VRK2: variants seen among roughly 807,000 people sequenced by gnomAD.
VRK2 encodes the protein serine/threonine-protein kinase VRK2.
In VRK2, 60 loss-of-function variants were observed where a neutral mutation model predicts 57.6. The ratio of observed to expected loss-of-function variants is 1.04; its 90% CI spans 0.85 to 1.29. The LOEUF (loss-of-function observed/expected upper bound fraction) is 1.29, where lower values mean the gene tolerates loss of function less well. VRK2 is among the 50% of genes most tolerant of loss of function. The probability of loss-of-function intolerance (pLI) is 0.00; values close to 1 mark genes in which losing one functional copy is unlikely to be tolerated. For synonymous variants in VRK2, 231 were observed against 199.2 expected, an observed-to-expected ratio of 1.16 and a Z score of -1.35; for missense variants, 705 against 588.1, an observed-to-expected ratio of 1.20 and a Z score of -2.06.
chr2:57,954,313 C>G (rs999386521), intron 1 of VRK2, among the ~76,000 whole-genome samples: 1 of 152,024 alleles, frequency 6.6e-6, no homozygotes, highest in Admixed American at 6.6e-5. Flanking sequence ...AAACTGAGTT[C>G]TATACAGTGG....
chr2:57,978,723 T>C (rs1279303749), intron 1 of VRK2, among the ~76,000 whole-genome samples: 3 of 150,174 alleles, frequency 2.0e-5, no homozygotes, highest in Non-Finnish European at 2.9e-5. Context: ...TTTCAGCACA[T>C]GCAGGTTTGT....
intron 2 of VRK2, among the ~76,000 whole-genome samples, chr2:58,077,657 T>G (rs1386056224): frequency 6.6e-6 from 1 of 152,104 alleles, no homozygotes; most frequent in African/African-American, 2.4e-5. Flanking sequence ...TCTGGGAGAC[T>G]TCTCACTTCA....
intron 10 of VRK2, among the ~76,000 whole-genome samples, chr2:58,137,411 T>TA (rs1357206029): frequency 6.6e-6 from 1 of 151,680 alleles, no homozygotes; most frequent in African/African-American, 2.4e-5. Context: ...ACTCTATTGT[T>TA]AAAGATTTGA....
rs771654902 is a variant in VRK2 at position 58,159,808 on chromosome 2, A to AAGAGAACATAT, written c.*116_*126dup. The stretch of plus-strand genomic sequence containing the variant: ...CATTTTTAAGGTAATTGGCTTTAAA[A>AAGAGAACATAT]AGAGAACATATTTTAACAAAGTTTG... On this transcript the variant is annotated 3_prime_UTR_variant, in exon 13 of 13. Transcript: ENST00000340157. The AAGAGAACATAT allele has an allele frequency of 6.2e-7, 1 of 1,612,578 alleles. No homozygotes were observed. Among genetic ancestry groups the AAGAGAACATAT allele is most frequent in the East Asian group, 2.2e-5 (1 of 44,808 alleles).
At chr2:58,115,390 C>G (rs1009757210) in intron 7 of VRK2, among the ~76,000 whole-genome samples, 1 of 151,996 alleles carries the variant, frequency 6.6e-6, no homozygotes, top group Non-Finnish European at 1.5e-5. Flanking sequence ...AAAGTATATG[C>G]GTCAGGTATG....
intron 1 of VRK2, among the ~76,000 whole-genome samples, chr2:57,990,003 T>C (rs1672713001): frequency 6.6e-6 from 1 of 152,180 alleles, no homozygotes; most frequent in South Asian, 2.1e-4. Context: ...ATGTGAAATG[T>C]TCACAAAAAG....
At chr2:58,127,544 T>C (rs1256216296) in intron 8 of VRK2, among the ~76,000 whole-genome samples, 3 of 152,156 alleles carry the variant, frequency 2.0e-5, no homozygotes, top group African/African-American at 7.2e-5. Flanking sequence ...CAGTAAGTCA[T>C]GGTCACCATA....
chr2:58,043,871 T>C (rs1674566143), upstream of VRK2, among the ~76,000 whole-genome samples: 1 of 152,260 alleles, frequency 6.6e-6, no homozygotes, highest in South Asian at 2.1e-4. Flanking sequence ...TTCCAAATCC[T>C]TGGTAACTTA....
intron 1 of VRK2, among the ~76,000 whole-genome samples, chr2:57,997,140 A>C (rs1672949961): frequency 6.6e-6 from 1 of 152,162 alleles, no homozygotes; most frequent in African/African-American, 2.4e-5. Flanking sequence ...GAAAGAAAAA[A>C]TAGATAATCG....
At chr2:58,046,976 G>A (rs1410920689) in intron 1 of VRK2, 108 bp downstream of exon 1, 3 of 985,364 alleles carry the variant, frequency 3.0e-6, no homozygotes, top group Non-Finnish European at 3.6e-6. Flanking sequence ...AGATGCCGGG[G>A]ACTCCGGGCC....
Position 58,146,427 on chromosome 2 carries a change from C to G in VRK2, c.1135C>G (p.Gln379Glu), listed in dbSNP as rs1240251657. 2 of 1,611,352 alleles carry G rather than the reference C, an allele frequency of 1.2e-6. No homozygotes were observed. Among genetic ancestry groups the G allele is most frequent in the Non-Finnish European group, 1.7e-6 (2 of 1,178,264 alleles). The stretch of plus-strand genomic sequence containing the variant: ...TGAGTCCTGTGCAACATGGAAAGTG[C>G]AGAAAGAGGAGAAACTGATTGGATT... ...SAESCATWKV[Q>E]KEEKLIGLMN... The change falls in exon 12 of 13, where the codon CAG (glutamine) becomes GAG (glutamate). Residue 379 changes from glutamine to glutamate, a missense_variant. Physicochemically the swap from Gln to Glu is conservative, Grantham distance 29 (BLOSUM62 2). Coordinates refer to ENST00000340157, the MANE Select transcript of VRK2 (RefSeq NM_006296.7).
chr2:58,085,930 CTTT>C (rs59333442), intron 4 of VRK2, among the ~76,000 whole-genome samples: 2 of 116,862 alleles, frequency 1.7e-5, no homozygotes, highest in Non-Finnish European at 1.9e-5. Flanking sequence ...CTTTTTTTTT[CTTT>C]TTTTTTTTTT....
intron 7 of VRK2, among the ~76,000 whole-genome samples, chr2:58,107,611 T>A (rs1456630649): frequency 6.6e-6 from 1 of 152,160 alleles, no homozygotes; most frequent in Non-Finnish European, 1.5e-5. Flanking sequence ...AATTATAAGG[T>A]GGTATATTGT....
upstream of VRK2, among the ~76,000 whole-genome samples, chr2:58,043,433 C>T (rs1015550208): frequency 2.0e-5 from 3 of 152,098 alleles, no homozygotes; most frequent in Non-Finnish European, 4.4e-5. Flanking sequence ...TTAACATTTG[C>T]AACGTTTCAG....
intron 1 of VRK2, among the ~76,000 whole-genome samples, chr2:57,996,631 A>C (rs1286091031): frequency 6.6e-6 from 1 of 152,244 alleles, no homozygotes; most frequent in Admixed American, 6.5e-5. Flanking sequence ...AATTTCAGTC[A>C]AAATTAGAAC....
rs191851198 is a variant in VRK2 at position 57,989,941 on chromosome 2, A to C, written c.-438-35724A>C. Among the ~76,000 whole-genome samples the C allele has an allele frequency of 1.5e-4, 23 of 152,342 alleles. No individual in the cohort carries two copies. The East Asian group carries it at 4.0e-3, about 27-fold the overall frequency. On this transcript the variant is annotated intron_variant, in intron 1 of 15. Coordinates refer to the VRK2 transcript ENST00000417641. ...CTAACTGGAAAAGCTGGAAATGAGA[A>C]GTTTAAAGTTCAAGGAGGTCTGAAA...
intron 3 of VRK2, 145 bp downstream of exon 3, chr2:58,084,283 T>C (rs1353457211): frequency 1.2e-6 from 1 of 813,502 alleles, no homozygotes; most frequent in Admixed American, 3.4e-5. Context: ...GTTAAAACAT[T>C]AAAACTGGAG....
intron 2 of VRK2, among the ~76,000 whole-genome samples, chr2:58,077,802 C>T (rs1670330572): frequency 6.6e-6 from 1 of 152,026 alleles, no homozygotes; most frequent in Admixed American, 6.6e-5. Context: ...GCCAACAATA[C>T]CATGTAGAAT....
chr2:58,084,914 C>T lies in VRK2; in HGVS notation c.220C>T (p.Leu74Phe). 6.3e-7 allele frequency: 1 copy of T among 1,589,088 alleles called. No individual in the cohort carries two copies. Among genetic ancestry groups the T allele is most frequent in the Non-Finnish European group, 8.6e-7 (1 of 1,168,640 alleles). Reference sequence around the variant, plus strand: ...AGAAAATGGCCCGTTATTTTCAGAACTTAAATTTTATCAGAGAGTTGCAAA... The same window carrying T: ...AGAAAATGGCCCGTTATTTTCAGAATTTAAATTTTATCAGAGAGTTGCAAA... Reference protein sequence around the residue: ...YQENGPLFSELKFYQRVAKKD... With the variant: ...YQENGPLFSEFKFYQRVAKKD... Residue 74 changes from leucine (L) to phenylalanine (F), a missense_variant, in exon 4 of 13, where the codon CTT becomes TTT. Leu to Phe is a conservative substitution (Grantham distance 22). Coordinates refer to ENST00000340157, the MANE Select transcript of VRK2 (RefSeq NM_006296.7).
Sources: allele counts gnomAD v4.1 joint callset (sites outside exome capture counted in the v4.1 genomes callset), GRCh38; gene constraint gnomAD v4.1.1; transcripts MANE v1.5; gene names NCBI Gene and HGNC (gene_info 2026-07-23, HGNC 2026-07-21).